ASXL1: variants seen among roughly 807,000 people sequenced by gnomAD.
ASXL1 encodes polycomb group protein ASXL1.
In ASXL1, 65 loss-of-function variants were observed where a neutral mutation model predicts 89.1. The observed-to-expected ratio is 0.73, with a 90% CI of 0.60 to 0.90. ASXL1 has a LOEUF of 0.90. Ranked by LOEUF, ASXL1 falls within the 40% of genes least tolerant of loss-of-function variation. The pLI, the probability that ASXL1 is intolerant of heterozygous loss-of-function variation, is 0.00. For synonymous variants in ASXL1, 739 were observed against 746.9 expected (o/e 0.99, Z 0.17); for missense variants, 1,786 against 1,942.9 (o/e 0.92, Z 1.52).
chr20:32,426,747 A>G (rs1177622796), intron 4 of ASXL1, among the ~76,000 whole-genome samples: 1 of 151,230 alleles, frequency 6.6e-6, no homozygotes. Context: ...TTTAGTAGAA[A>G]CAGGGTTTCA....
rs760592730 is a variant in ASXL1 at position 32,435,406 on chromosome 20, G to T, written c.2694G>T (p.Trp898Cys). ...KALVSNSSLH[W>C]IPIPSNDEVV... ...TCGTTTCTAACAGTTCTTTGCATTGGATACCCATCCCATCGAATGATGAGG... is the reference window on the plus strand; with the variant it reads ...TCGTTTCTAACAGTTCTTTGCATTGTATACCCATCCCATCGAATGATGAGG... The change falls in exon 13 of 13, where the codon TGG becomes TGT. Residue 898 changes from tryptophan (W) to cysteine (C), a missense_variant. Trp to Cys is a radical substitution (Grantham distance 215). Coordinates refer to ENST00000375687, the MANE Select transcript of ASXL1 (RefSeq NM_015338.6). 6.2e-7 allele frequency: 1 copy of T among 1,613,950 alleles called. No individual in the cohort carries two copies. Among genetic ancestry groups the T allele is most frequent in the Non-Finnish European group, 8.5e-7 (1 of 1,180,024 alleles).
rs2049006876 is a variant in ASXL1, at chr20:32,409,316, T to A, written c.253-18812T>A. Among the ~76,000 whole-genome samples, 3 of 152,238 alleles carry A rather than the reference T, an allele frequency of 2.0e-5. No homozygotes were observed. In the South Asian group the frequency reaches 6.2e-4, roughly 31 times the overall value. On this transcript the variant is annotated intron_variant, in intron 4 of 12. Transcript: ENST00000375687. ...GATGCTATTATACATGGAATTTGTT[T>A]TAAAAATTTGTTTCCCAGTTTTTTG...
chr20:32,387,349 TG>T (rs2048597224), intron 4 of ASXL1, among the ~76,000 whole-genome samples: 1 of 152,178 alleles, frequency 6.6e-6, no homozygotes, highest in South Asian at 2.1e-4. Context: ...CTTTTCTATT[TG>T]TCATGCCCTG....
intron 4 of ASXL1, among the ~76,000 whole-genome samples, chr20:32,395,645 CA>C (rs1274132434): frequency 2.0e-5 from 3 of 152,140 alleles, no homozygotes; most frequent in African/African-American, 7.2e-5. Flanking sequence ...TTGAAGTAGT[CA>C]TACAACTCAC....
intron 4 of ASXL1, chr20:32,426,952 G>A (rs1353945201): frequency 1.3e-5 from 2 of 152,200 alleles, no homozygotes; most frequent in African/African-American, 2.4e-5. Flanking sequence ...AGAGACTCAT[G>A]AAATTGATGA....
chr20:32,361,686 G>A (rs2048114141), intron 1 of ASXL1, among the ~76,000 whole-genome samples: 1 of 151,658 alleles, frequency 6.6e-6, no homozygotes, highest in South Asian at 2.1e-4. Flanking sequence ...AATGTGATAT[G>A]CAATTTGAGT....
At chr20:32,382,504 C>G (rs2048504410) in intron 4 of ASXL1, among the ~76,000 whole-genome samples, 1 of 151,338 alleles carries the variant, frequency 6.6e-6, no homozygotes, top group African/African-American at 2.4e-5. Flanking sequence ...GGCACTGTGC[C>G]TCATACCTGT....
In ASXL1 at chr20:32,433,680, A is replaced by G. The variant is rs1295869194; in HGVS notation, c.1482A>G (p.Pro494=). The G allele has an allele frequency of 1.2e-6, 2 of 1,611,296 alleles. No homozygotes were observed. The highest frequency in any genetic ancestry group is 1.7e-6 in the Non-Finnish European group (2 of 1,177,782). ...TGGCTTCTCGGATCCAGGCTGAGCC[A>G]GACAACTTGGCACGTGCCTCTGCAT... ...ESVASRIQAE[P]DNLARASASP... Residue 494 remains proline (P), a synonymous_variant, in exon 12 of 13, where the codon CCA becomes CCG. Coordinates refer to ENST00000375687, the MANE Select transcript of ASXL1 (RefSeq NM_015338.6).
In ASXL1 at chr20:32,434,490, T is replaced by A; in HGVS notation, c.1778T>A (p.Ile593Lys). 1 of 1,614,132 alleles carries A rather than the reference T, an allele frequency of 6.2e-7. No homozygotes were observed. Among genetic ancestry groups the A allele is most frequent in the African/African-American group, 1.3e-5 (1 of 75,066 alleles). Residue 593 changes from isoleucine (I) to lysine (K), a missense_variant, in exon 13 of 13, where the codon ATA becomes AAA. This residue lies in a region of ASXL1 where 1,418 missense variants were observed against 1,427.8 expected (regional missense o/e 0.99). Coordinates refer to ENST00000375687, the MANE Select transcript of ASXL1 (RefSeq NM_015338.6). ...GTTAAAGGTCAGCCCACTTACCAGA[T>A]ATGCCCCCGGATCATCCCCACCACG... ...WVVKGQPTYQ[I>K]CPRIIPTTES... is the part of the protein sequence containing the mutation.
chr20:32,434,186 A>T (rs2011638787), intron 12 of ASXL1: 1 of 693,162 alleles, frequency 1.4e-6, no homozygotes, highest in Admixed American at 2.9e-5. Context: ...ATTCTTTGCT[A>T]TAGTGACTCA....
chr20:32,434,566 A>C lies in ASXL1; in HGVS notation c.1854A>C (p.Lys618Asn). 1.9e-6 allele frequency: 3 copies of C among 1,613,622 alleles called. No homozygotes were observed. The highest frequency in any genetic ancestry group is 2.7e-5 in the African/African-American group (2 of 75,046). The change falls in exon 13 of 13, where the codon AAA becomes AAC. Residue 618 changes from lysine to asparagine, a missense_variant. This residue lies in a region of ASXL1 where 1,418 missense variants were observed against 1,427.8 expected (regional missense o/e 0.99). Transcript: ENST00000375687. ...GCGCCAGGACCCTCGCAGACATTAAAGCCCGTGCTCTGCAGGTCCGAGGGG... is the reference window on the plus strand; with the variant it reads ...GCGCCAGGACCCTCGCAGACATTAACGCCCGTGCTCTGCAGGTCCGAGGGG... The part of the protein sequence containing the change: ...WTGARTLADI[K>N]ARALQVRGAR...
chr20:32,429,090 T>A lies in ASXL1; in HGVS notation c.472-248T>A. 1 of 508,230 alleles carries A rather than the reference T, an allele frequency of 2.0e-6. No homozygotes were observed. Among genetic ancestry groups the A allele is most frequent in the South Asian group, 2.0e-5 (1 of 50,154 alleles). The allele number at this position is 508,230 out of a possible 1,614,324, so 31.5% of individuals were successfully genotyped here. On this transcript the variant is annotated intron_variant, in intron 6 of 12. Coordinates refer to ENST00000375687, the MANE Select transcript of ASXL1 (RefSeq NM_015338.6). The surrounding 1 kb of genome is among the most constrained non-coding windows in gnomAD (Gnocchi z 4.9). ...ACCCTGCACTTACTAGCCTTGAGAC[T>A]TGGGGAAAATTCCTTACCTGTAAAA...
intron 4 of ASXL1, among the ~76,000 whole-genome samples, chr20:32,381,092 AT>A (rs1475038391): frequency 6.6e-6 from 1 of 152,194 alleles, no homozygotes; most frequent in Non-Finnish European, 1.5e-5. Flanking sequence ...TTGCTAGCTC[AT>A]TTACCTGGAA....
At chr20:32,375,018 G>A (rs1014336480) in intron 4 of ASXL1, among the ~76,000 whole-genome samples, 1 of 152,096 alleles carries the variant, frequency 6.6e-6, no homozygotes, top group Non-Finnish European at 1.5e-5. Flanking sequence ...GGCCAAGGTC[G>A]AGGGGACATA....
In ASXL1 at chr20:32,359,042, C is replaced by T. The variant is rs2048063016; in HGVS notation, c.57+210C>T. On this transcript the variant is annotated intron_variant, in intron 1 of 12. Transcript: ENST00000375687. ...TGGCGCCTTTTTCCGCTCGCCCTCG[C>T]GCCCCCCCCGCCCCGCGCAGCTAAA... 2.6e-5 allele frequency: 16 copies of T among 608,766 alleles called. No homozygotes were observed. The South Asian group carries it at 3.0e-4, about 12-fold the overall frequency. The allele number at this position is 608,766 out of a possible 1,614,324, so 37.7% of individuals were successfully genotyped here.
At chr20:32,379,161 CTTTTTTTTTTTTTTTTTTTTTTTT>C (rs71187113) in intron 4 of ASXL1, among the ~76,000 whole-genome samples, 8 of 61,760 alleles carry the variant, frequency 1.3e-4, no homozygotes, top group South Asian at 6.7e-4. Context: ...TAACTTCAGT[CTTTTTTTTTTTTTTTTTTTTTTTT>C]TTTTTTTTTT....
intron 4 of ASXL1, among the ~76,000 whole-genome samples, chr20:32,380,276 G>C (rs1017837573): frequency 6.6e-6 from 1 of 152,056 alleles, no homozygotes; most frequent in Non-Finnish European, 1.5e-5. Context: ...AGGAGACTCC[G>C]TCCCTCCCAT....
intron 4 of ASXL1, among the ~76,000 whole-genome samples, chr20:32,424,253 G>T (rs6087901): frequency 6.6e-6 from 1 of 152,170 alleles, no homozygotes; most frequent in Admixed American, 6.5e-5. Context: ...CTACCACCTA[G>T]GCTAGGTACG....
chr20:32,401,559 C>G (rs1344274847), intron 4 of ASXL1, among the ~76,000 whole-genome samples: 9 of 142,338 alleles, frequency 6.3e-5, no homozygotes, highest in Non-Finnish European at 4.5e-5. Context: ...TTCCCCCCCC[C>G]CCTTTTTTTT....
Sources: gnomAD v4.1 joint callset for allele counts (sites outside exome capture counted in the v4.1 genomes callset) on GRCh38, gnomAD v4.1.1 for gene constraint, gnomAD v4.1.1 regional missense constraint, Gnocchi (gnomAD v3.1) non-coding constraint, MANE v1.5 for transcripts, NCBI Gene and HGNC (gene_info 2026-07-23, HGNC 2026-07-21) for gene names.